The following RAI1 variants were observed in gnomAD, a reference collection of about 807,000 sequenced individuals.
RAI1 encodes retinoic acid induced 1.
A neutral mutation model predicts 123.8 loss-of-function variants in RAI1; 9 were observed. The ratio of observed to expected loss-of-function variants is 0.07; its 90% CI spans 0.04 to 0.13. The LOEUF (loss-of-function observed/expected upper bound fraction) is 0.13. RAI1 is among the 10% of genes least tolerant of loss of function. The pLI is 1.00. For synonymous variants in RAI1, 1,231 were observed against 1,127.3 expected, an observed-to-expected ratio of 1.09 and a Z score of -1.84; for missense variants, 2,256 against 2,545.8, an observed-to-expected ratio of 0.89 and a Z score of 2.45.
chr17:17,792,400 C>T (rs532729432), intron 2 of RAI1, among the ~76,000 whole-genome samples: 1 of 152,270 alleles, frequency 6.6e-6, no homozygotes, highest in South Asian at 2.1e-4. Context: ...GGCAGACCCT[C>T]CTCAGTCCCC....
chr17:17,713,305 A>G (rs4924813), intron 1 of RAI1, among the ~76,000 whole-genome samples: 131,086 of 152,056 alleles, frequency 0.86, 57,310 homozygotes, highest in African/African-American at 0.97. Flanking sequence ...CCAGGAGTTC[A>G]AGACTAGAGC....
intron 2 of RAI1, among the ~76,000 whole-genome samples, chr17:17,757,868 T>C (rs2030509757): frequency 6.6e-6 from 1 of 152,186 alleles, no homozygotes; most frequent in African/African-American, 2.4e-5. Context: ...AACAGGGCAG[T>C]GTTGGGCATC....
intron 1 of RAI1, among the ~76,000 whole-genome samples, chr17:17,697,108 T>C (rs1452313382): frequency 6.6e-6 from 1 of 152,144 alleles, no homozygotes; most frequent in Non-Finnish European, 1.5e-5. Flanking sequence ...TCTCCCCTAT[T>C]CCAGAACGGT....
chr17:17,794,536 C>G lies in RAI1; in HGVS notation c.1588C>G (p.Leu530Val). ...CGAGGACCCACTGGAGCGCAGCTTC[C>G]TCTACTGCAACCAGGCCCGTGGCAG... ...GSEDPLERSF[L>V]YCNQARGSPA... Residue 530 changes from leucine to valine, a missense_variant, in exon 3 of 6, where the codon CTC (leucine) becomes GTC (valine). Leu to Val is a conservative substitution (Grantham distance 32). Around this residue, in one of 7 missense-constraint regions of RAI1, gnomAD observed 357 missense variants for 480.2 expected, o/e 0.74. Coordinates refer to ENST00000353383, the MANE Select transcript of RAI1 (RefSeq NM_030665.4). 6.2e-7 allele frequency: 1 copy of G among 1,613,076 alleles called. No individual in the cohort carries two copies. Among genetic ancestry groups the G allele is most frequent in the Non-Finnish European group, 8.5e-7 (1 of 1,179,984 alleles).
At position 17,795,716 on chromosome 17, in the gene RAI1, A is replaced by T. The variant is rs771299660; in HGVS notation, c.2768A>T (p.Glu923Val). ...GWGSPCHLSG[E>V]SVILLGPTVG... is the part of the protein sequence containing the mutation. ...GGCTCTCCGTGCCACCTCTCAGGGG[A>T]GTCCGTCATCCTGCTGGGCCCTACA... The change falls in exon 3 of 6, where the codon GAG becomes GTG. Residue 923 changes from glutamate to valine, a missense_variant. By Grantham distance (121) the Glu-to-Val change is moderately radical (BLOSUM62 -2). Around this residue, in one of 7 missense-constraint regions of RAI1, gnomAD observed 566 missense variants for 616.0 expected, o/e 0.92. Coordinates refer to ENST00000353383, the MANE Select transcript of RAI1 (RefSeq NM_030665.4). The surrounding 1 kb of genome is among the most constrained non-coding windows in gnomAD (Gnocchi z 5.9). 1 of 1,613,302 alleles carries T rather than the reference A, an allele frequency of 6.2e-7. No individual in the cohort carries two copies. Among genetic ancestry groups the T allele is most frequent in the Non-Finnish European group, 8.5e-7 (1 of 1,180,002 alleles).
intron 2 of RAI1, among the ~76,000 whole-genome samples, chr17:17,757,197 G>A (rs2030472639): frequency 6.6e-6 from 1 of 152,232 alleles, no homozygotes; most frequent in Non-Finnish European, 1.5e-5. Flanking sequence ...GGGGACAGCT[G>A]TGGAGGTGTT....
Position 17,780,117 on chromosome 17 carries a change from G to C in RAI1, c.-16-12816G>C, listed in dbSNP as rs1180301803. Among the ~76,000 whole-genome samples the C allele has an allele frequency of 3.5e-5, 5 of 141,042 alleles. No homozygotes were observed. In the Admixed American group the frequency reaches 3.8e-4, roughly 11 times the overall value. 92.5% of individuals were successfully genotyped at this position (141,042 alleles called of 152,430 possible). A position where few individuals can be genotyped will look rare whatever the true frequency, so the allele number is the denominator to read the frequency against. ...GTTTTACTCTTGTCCCCAGGCTGGA[G>C]TGCAATGGCGCAATCTTGGCTCACT... On this transcript the variant is annotated intron_variant, in intron 2 of 5. Coordinates refer to ENST00000353383, the MANE Select transcript of RAI1 (RefSeq NM_030665.4).
At chr17:17,687,308 G>A (rs527849249) in intron 1 of RAI1, among the ~76,000 whole-genome samples, 76 of 152,158 alleles carry the variant, frequency 5.0e-4, no homozygotes, top group Non-Finnish European at 1.0e-3. Flanking sequence ...GGACTGCTGG[G>A]GAGTCTTCCT....
chr17:17,695,531 CT>C lies in RAI1; in HGVS notation c.-149+13751del, dbSNP rs10692662. On this transcript the variant is annotated intron_variant, in intron 1 of 5. Coordinates refer to ENST00000353383, the MANE Select transcript of RAI1 (RefSeq NM_030665.4). The stretch of plus-strand genomic sequence containing the variant: ...TCTTTCCCCTGGTCTTTCTCTCTCT[CT>C]TTTTTTTTTTTTGAGCTAGAGTCTC... 4.1e-3 allele frequency among the ~76,000 whole-genome samples: 595 copies of C among 145,376 alleles called. 4 individuals carry two copies. Among genetic ancestry groups the C allele is most frequent in the South Asian group, 0.013 (61 of 4,638 alleles).
At chr17:17,682,773 C>T (rs1034687882) in intron 1 of RAI1, among the ~76,000 whole-genome samples, 1 of 152,188 alleles carries the variant, frequency 6.6e-6, no homozygotes, top group African/African-American at 2.4e-5. Context: ...TCTTGGGGCT[C>T]TTGGTCGTTA....
intron 1 of RAI1, among the ~76,000 whole-genome samples, chr17:17,722,530 A>C (rs950871909): frequency 6.6e-6 from 1 of 152,156 alleles, no homozygotes; most frequent in African/African-American, 2.4e-5. Flanking sequence ...GGCCGCCGGG[A>C]AACCTAGAGG....
At chr17:17,748,735 G>A (rs1332641096) in intron 2 of RAI1, among the ~76,000 whole-genome samples, 1 of 152,178 alleles carries the variant, frequency 6.6e-6, no homozygotes, top group Admixed American at 6.5e-5. Flanking sequence ...GGGCACTGTG[G>A]TGTGGAGGGC....
At chr17:17,753,808 A>C (rs960277324) in intron 2 of RAI1, among the ~76,000 whole-genome samples, 10 of 152,374 alleles carry the variant, frequency 6.6e-5, no homozygotes, top group African/African-American at 2.2e-4. Flanking sequence ...TCCAGGCTCT[A>C]GAAAGTCTAC....
chr17:17,788,076 A>T (rs1188637913), intron 2 of RAI1, among the ~76,000 whole-genome samples: 1 of 151,904 alleles, frequency 6.6e-6, no homozygotes, highest in African/African-American at 2.4e-5. Context: ...GATATTTGGG[A>T]CCCCCAGACC....
At chr17:17,742,429 G>A (rs1187827226) in intron 2 of RAI1, among the ~76,000 whole-genome samples, 1 of 152,190 alleles carries the variant, frequency 6.6e-6, no homozygotes, top group African/African-American at 2.4e-5. Context: ...ATGAATGAAT[G>A]AATGAATGAA....
chr17:17,795,492 C>T lies in RAI1; in HGVS notation c.2544C>T (p.Ala848=), dbSNP rs777023372. 9.5e-6 allele frequency: 15 copies of T among 1,585,944 alleles called. No homozygotes were observed. The highest frequency in any genetic ancestry group is 5.4e-5 in the African/African-American group (4 of 74,456). Residue 848 remains alanine, a synonymous_variant, in exon 3 of 6, where the codon GCC becomes GCT. Coordinates refer to ENST00000353383, the MANE Select transcript of RAI1 (RefSeq NM_030665.4). The surrounding 1 kb of genome is among the most constrained non-coding windows in gnomAD (Gnocchi z 5.9). The part of the protein sequence containing the change: ...LEDSRHCCST[A]DFGDLPLLPP... ...ACAGCCGGCACTGCTGTTCCACCGC[C>T]GACTTCGGGGACCTCCCACTGCTGC...
At chr17:17,778,807 TAGCTATGTAC>T (rs1245035082) in intron 2 of RAI1, 3 of 456,636 alleles carry the variant, frequency 6.6e-6, no homozygotes, top group Non-Finnish European at 1.3e-5. Context: ...CAGGCCAAGC[TAGCTATGTAC>T]AGCTGGAAGA....
At chr17:17,802,300 TG>T in intron 3 of RAI1, 3 of 407,010 alleles carry the variant, frequency 7.4e-6, no homozygotes, top group South Asian at 5.4e-5. Context: ...GTCTGAGAGC[TG>T]GTCCCCTGGA....
At chr17:17,708,019 C>T (rs747874866) in intron 1 of RAI1, among the ~76,000 whole-genome samples, 2 of 152,142 alleles carry the variant, frequency 1.3e-5, no homozygotes, top group Non-Finnish European at 2.9e-5. Context: ...GTAGAAGGCT[C>T]CTGGAGGCTC....
Sources: gnomAD v4.1 joint callset for allele counts (sites outside exome capture counted in the v4.1 genomes callset) on GRCh38, gnomAD v4.1.1 for gene constraint, gnomAD v4.1.1 regional missense constraint, Gnocchi (gnomAD v3.1) non-coding constraint, MANE v1.5 for transcripts, NCBI Gene and HGNC (gene_info 2026-07-23, HGNC 2026-07-21) for gene names.